Variants in SPIDR observed in about 807,000 individuals in gnomAD.
The protein encoded by SPIDR is DNA repair-scaffolding protein.
Under a neutral mutation model 104.6 loss-of-function variants are expected in SPIDR, and 93 were observed. That is an observed-to-expected ratio of 0.89 (90% CI 0.75 to 1.06). SPIDR has a LOEUF of 1.06. Among genes scored for constraint, SPIDR ranks in the 50% least tolerant of loss-of-function variants. The pLI is 0.00. For missense variants in SPIDR, 1,154 were observed against 1,111.2 expected (o/e 1.04, Z -0.55); for synonymous variants, 431 against 416.9 (o/e 1.03, Z -0.41).
At position 47,690,776 on chromosome 8, in the gene SPIDR, A is replaced by G. The variant is rs1017226468; in HGVS notation, c.1686-9627A>G. Reference sequence around the variant, plus strand: ...GGAGGTTGCAGTGAGCCAAGATCGCACCATTGCACTCCAGCCTGGGTGACA... The same window carrying G: ...GGAGGTTGCAGTGAGCCAAGATCGCGCCATTGCACTCCAGCCTGGGTGACA... On this transcript the variant is annotated intron_variant, in intron 11 of 19. Transcript: ENST00000297423. Among the ~76,000 whole-genome samples the G allele has an allele frequency of 4.6e-5, 7 of 152,284 alleles. No individual in the cohort carries two copies. The East Asian group carries it at 1.4e-3, about 29-fold the overall frequency.
chr8:47,503,347 A>T (rs2080874194), intron 8 of SPIDR, among the ~76,000 whole-genome samples: 2 of 152,140 alleles, frequency 1.3e-5, no homozygotes, highest in South Asian at 2.1e-4. Flanking sequence ...TATATTTAGG[A>T]TAGTTAGCTC....
intron 5 of SPIDR, among the ~76,000 whole-genome samples, chr8:47,306,315 A>T (rs1323929761): frequency 1.3e-5 from 2 of 151,324 alleles, no homozygotes; most frequent in Non-Finnish European, 2.9e-5. Flanking sequence ...TAATTTTTGT[A>T]TTTTTACTAG....
intron 8 of SPIDR, among the ~76,000 whole-genome samples, chr8:47,580,854 G>A (rs2059634534): frequency 6.6e-6 from 1 of 152,090 alleles, no homozygotes; most frequent in Non-Finnish European, 1.5e-5. Context: ...ATACTGTGAA[G>A]TACCTAATAA....
intron 8 of SPIDR, chr8:47,511,679 C>T: frequency 1.1e-6 from 1 of 874,872 alleles, no homozygotes; most frequent in Non-Finnish European, 2.0e-6. Flanking sequence ...GCCCCAAGGC[C>T]ATAGCCATCT....
chr8:47,371,155 AAAAAG>A (rs2057973633), intron 5 of SPIDR, among the ~76,000 whole-genome samples: 1 of 151,756 alleles, frequency 6.6e-6, no homozygotes, highest in Non-Finnish European at 1.5e-5. Context: ...TAAGGAAAAA[AAAAAG>A]AAAACCATTA....
At chr8:47,278,466 C>G (rs1184822624) in intron 1 of SPIDR, among the ~76,000 whole-genome samples, 1 of 152,032 alleles carries the variant, frequency 6.6e-6, no homozygotes, top group Non-Finnish European at 1.5e-5. Context: ...ACTACAGGCA[C>G]ATGCCACCAT....
At chr8:47,511,485 T>A in intron 8 of SPIDR, 1 of 777,546 alleles carries the variant, frequency 1.3e-6, no homozygotes, top group Non-Finnish European at 2.4e-6. Context: ...TCCACAGCTC[T>A]GCTGGCACCT....
intron 1 of SPIDR, among the ~76,000 whole-genome samples, chr8:47,272,399 A>G (rs954818792): frequency 2.1e-4 from 32 of 152,218 alleles, no homozygotes; most frequent in African/African-American, 7.7e-4. Context: ...ATTTTGTTTA[A>G]TGATTTTCCT....
At chr8:47,383,569 C>T (rs528798363) in intron 5 of SPIDR, among the ~76,000 whole-genome samples, 1 of 152,310 alleles carries the variant, frequency 6.6e-6, no homozygotes, top group South Asian at 2.1e-4. Flanking sequence ...GACCCCCAGA[C>T]TCCAGTGTCT....
chr8:47,691,332 T>G (rs956436551), intron 11 of SPIDR, among the ~76,000 whole-genome samples: 3 of 145,440 alleles, frequency 2.1e-5, no homozygotes, highest in African/African-American at 7.7e-5. Context: ...AAAAGAAAAA[T>G]ATCTTCCTGA....
intron 7 of SPIDR, among the ~76,000 whole-genome samples, chr8:47,409,540 G>C (rs1554669772): frequency 6.6e-6 from 1 of 152,006 alleles, no homozygotes; most frequent in African/African-American, 2.4e-5. Flanking sequence ...GGGATCATTG[G>C]GATATACATT....
At chr8:47,414,046 A>C (rs1293531760) in intron 7 of SPIDR, among the ~76,000 whole-genome samples, 1 of 152,242 alleles carries the variant, frequency 6.6e-6, no homozygotes, top group African/African-American at 2.4e-5. Flanking sequence ...GGTCTGTATC[A>C]CATTCTTGAG....
At chr8:47,310,648 G>A (rs1554584453) in intron 5 of SPIDR, among the ~76,000 whole-genome samples, 1 of 152,112 alleles carries the variant, frequency 6.6e-6, no homozygotes, top group Non-Finnish European at 1.5e-5. Flanking sequence ...GGTGACGGAA[G>A]CTTGAATAAA....
chr8:47,432,355 G>A lies in SPIDR; in HGVS notation c.878-7968G>A, dbSNP rs574313818. On this transcript the variant is annotated intron_variant, in intron 7 of 19. Coordinates refer to ENST00000297423, the MANE Select transcript of SPIDR (RefSeq NM_001080394.4). ...CATCATTTGAGTCATAGTTTAATTT[G>A]TATTCTCTGGGTACACGCAAAGTGC... 1.4e-4 allele frequency among the ~76,000 whole-genome samples: 22 copies of A among 152,246 alleles called. No homozygotes were observed. In the South Asian group the frequency reaches 3.7e-3, roughly 26 times the overall value.
chr8:47,617,411 A>G (rs2064486190), intron 10 of SPIDR, among the ~76,000 whole-genome samples: 1 of 152,160 alleles, frequency 6.6e-6, no homozygotes, highest in South Asian at 2.1e-4. Context: ...ACTGTTATTC[A>G]TGTTTGTTTC....
intron 10 of SPIDR, among the ~76,000 whole-genome samples, chr8:47,641,688 AAGGG>A (rs2069038166): frequency 6.6e-6 from 1 of 152,166 alleles, no homozygotes; most frequent in Non-Finnish European, 1.5e-5. Flanking sequence ...GCAGCCTCTC[AAGGG>A]AGGAGGATGA....
At chr8:47,649,865 T>C (rs571532377) in intron 10 of SPIDR, among the ~76,000 whole-genome samples, 1 of 152,324 alleles carries the variant, frequency 6.6e-6, no homozygotes, top group East Asian at 1.9e-4. Context: ...AATCATATGA[T>C]CATTTTAATA....
chr8:47,720,914 T>C (rs2083304941), intron 16 of SPIDR, among the ~76,000 whole-genome samples: 1 of 152,000 alleles, frequency 6.6e-6, no homozygotes, highest in Non-Finnish European at 1.5e-5. Flanking sequence ...CCTGCCACCA[T>C]GCCCAGCTAG....
chr8:47,588,822 A>G (rs544943386), intron 8 of SPIDR, among the ~76,000 whole-genome samples: 2 of 152,266 alleles, frequency 1.3e-5, no homozygotes, highest in East Asian at 3.9e-4. Context: ...CACATTGCTA[A>G]TGTAATCATC....
Sources: allele counts gnomAD v4.1 joint callset (sites outside exome capture counted in the v4.1 genomes callset), GRCh38; gene constraint gnomAD v4.1.1; transcripts MANE v1.5; gene names NCBI Gene and HGNC (gene_info 2026-07-23, HGNC 2026-07-21).